JPH2: variants seen among roughly 807,000 people sequenced by gnomAD.
The protein encoded by JPH2 is junctophilin 2, also known as junctophilin-2.
JPH2 carries 38 observed loss-of-function variants against 55.9 expected under a neutral mutation model. That is an observed-to-expected ratio of 0.68 (90% CI 0.52 to 0.89). The LOEUF (loss-of-function observed/expected upper bound fraction) is 0.89, where lower values mean the gene tolerates loss of function less well. Ranked by LOEUF, JPH2 falls within the 40% of genes least tolerant of loss-of-function variation. The pLI is 0.00. For synonymous variants in JPH2, 480 were observed against 472.4 expected, an observed-to-expected ratio of 1.02 and a Z score of -0.21; for missense variants, 964 against 1,037.6, an observed-to-expected ratio of 0.93 and a Z score of 0.97.
chr20:44,164,228 G>A (rs1039795563), intron 1 of JPH2, among the ~76,000 whole-genome samples: 2 of 152,146 alleles, frequency 1.3e-5, no homozygotes, highest in African/African-American at 4.8e-5. Context: ...TTGGATAGAT[G>A]GGAAACCAAC....
At chr20:44,120,580 G>A (rs1349765274) in intron 2 of JPH2, among the ~76,000 whole-genome samples, 1 of 152,078 alleles carries the variant, frequency 6.6e-6, no homozygotes, top group Non-Finnish European at 1.5e-5. Context: ...TTTGCCCAAG[G>A]TCACAGAGTC....
At chr20:44,174,179 G>A (rs1375525215) in intron 1 of JPH2, among the ~76,000 whole-genome samples, 3 of 152,126 alleles carry the variant, frequency 2.0e-5, no homozygotes, top group Non-Finnish European at 2.9e-5. Flanking sequence ...CATTATACGG[G>A]GAAGGAAGCT....
intron 2 of JPH2, among the ~76,000 whole-genome samples, chr20:44,136,816 A>G (rs1311518503): frequency 6.6e-6 from 1 of 152,150 alleles, no homozygotes; most frequent in Non-Finnish European, 1.5e-5. Context: ...TACTAATAGC[A>G]CTTAGCTATA....
rs576199017 is a variant in JPH2, at chr20:44,184,508, C to T, written c.379+1819G>A. Among the ~76,000 whole-genome samples, 6 of 152,312 alleles carry T rather than the reference C, an allele frequency of 3.9e-5. No homozygotes were observed. In the East Asian group the frequency reaches 1.2e-3, roughly 29 times the overall value. Reference sequence around the variant, plus strand: ...TGGGTGGGCCACTGAATTTGCATTTCTAACTGGTGGATCAATGGTGCTGAT... The same window carrying T: ...TGGGTGGGCCACTGAATTTGCATTTTTAACTGGTGGATCAATGGTGCTGAT... On this transcript the variant is annotated intron_variant, in intron 1 of 5. Transcript: ENST00000372980.
chr20:44,135,555 A>G (rs758939039), intron 2 of JPH2, among the ~76,000 whole-genome samples: 1 of 152,118 alleles, frequency 6.6e-6, no homozygotes, highest in African/African-American at 2.4e-5. Flanking sequence ...TTTCGCTTCC[A>G]AGGTCACTTT....
rs189093892 is a variant in JPH2 at position 44,172,348 on chromosome 20, C to G, written c.380-11941G>C. 2.7e-3 allele frequency among the ~76,000 whole-genome samples: 407 copies of G among 152,280 alleles called. 4 individuals carry two copies. The highest frequency in any genetic ancestry group is 5.1e-3 in the Non-Finnish European group (344 of 68,016). Reference sequence around the variant, plus strand: ...AACCAGCTCTTTAGGACAAACCAACCAACCAACCTCAGTTTGTACTATTAG... The same window carrying G: ...AACCAGCTCTTTAGGACAAACCAACGAACCAACCTCAGTTTGTACTATTAG... On this transcript the variant is annotated intron_variant, in intron 1 of 5. Coordinates refer to ENST00000372980, the MANE Select transcript of JPH2 (RefSeq NM_020433.5).
chr20:44,115,116 A>G (rs1367322171), intron 4 of JPH2, among the ~76,000 whole-genome samples: 1 of 152,160 alleles, frequency 6.6e-6, no homozygotes, highest in Non-Finnish European at 1.5e-5. Flanking sequence ...CCCAAGTCAT[A>G]TAGTGTGTGA....
At chr20:44,184,835 G>A (rs911909715) in intron 1 of JPH2, among the ~76,000 whole-genome samples, 4 of 152,196 alleles carry the variant, frequency 2.6e-5, no homozygotes. Flanking sequence ...TCCATTTAAA[G>A]TATTTCCTGA....
rs2072850272 is a variant in JPH2, at chr20:44,186,777, C to A, written c.-72G>T. The A allele has an allele frequency of 6.8e-7, 1 of 1,465,344 alleles. No individual in the cohort carries two copies. The highest frequency in any genetic ancestry group is 9.4e-7 in the Non-Finnish European group (1 of 1,059,832). The allele number at this position is 1,465,344 out of a possible 1,614,324, so 90.8% of individuals were successfully genotyped here. A position where few individuals can be genotyped will look rare whatever the true frequency, so the allele number is the denominator to read the frequency against. ...GAGGGCGTGGGTGATGCCTGCAACA[C>A]TCCTCCAGTGCCCTCGGGGGCAGGC... On this transcript the variant is annotated 5_prime_UTR_variant, in exon 1 of 6. Coordinates refer to ENST00000372980, the MANE Select transcript of JPH2 (RefSeq NM_020433.5).
At chr20:44,129,223 G>T (rs1006773868) in intron 2 of JPH2, among the ~76,000 whole-genome samples, 1 of 152,158 alleles carries the variant, frequency 6.6e-6, no homozygotes. Context: ...GTGGGTGTGT[G>T]AGCTCTCAGC....
In JPH2 at chr20:44,137,848, A is replaced by G. The variant is rs182661654; in HGVS notation, c.1170-19225T>C. Among the ~76,000 whole-genome samples, 7 of 152,208 alleles carry G rather than the reference A, an allele frequency of 4.6e-5. No individual in the cohort carries two copies. The East Asian group carries it at 1.4e-3, about 29-fold the overall frequency. ...AATACTGGCTTTCCTTCTCTCTGAC[A>G]CTGGGAAGAGGGAGAGGAGAAATCT... On this transcript the variant is annotated intron_variant, in intron 2 of 5. Coordinates refer to ENST00000372980, the MANE Select transcript of JPH2 (RefSeq NM_020433.5).
chr20:44,129,990 C>G (rs1301649009), intron 2 of JPH2, among the ~76,000 whole-genome samples: 1 of 152,158 alleles, frequency 6.6e-6, no homozygotes, highest in Non-Finnish European at 1.5e-5. Flanking sequence ...CTTTAGACTT[C>G]CGACCTCCAG....
intron 5 of JPH2, 92 bp from the exon 6 acceptor site, chr20:44,113,595 C>A (rs967489299): frequency 6.6e-6 from 1 of 152,358 alleles, no homozygotes; most frequent in African/African-American, 2.4e-5. Flanking sequence ...TGGGGCTCAT[C>A]TTCTCTGGGG....
rs1292333971 is a variant in JPH2 at position 44,110,425 on chromosome 20, T to G, written c.*3093A>C. Among the ~76,000 whole-genome samples the G allele has an allele frequency of 9.3e-6, 1 of 107,778 alleles. No individual in the cohort carries two copies. The highest frequency in any genetic ancestry group is 8.4e-5 in the Admixed American group (1 of 11,942). 70.7% of individuals were successfully genotyped at this position (107,778 alleles called of 152,430 possible). ...ATCATTCCAGAGTTTTGAAAACTTTTGTGTTTTTTTTTTTTTCCAGATGGA... is the reference window on the plus strand; with the variant it reads ...ATCATTCCAGAGTTTTGAAAACTTTGGTGTTTTTTTTTTTTTCCAGATGGA... On this transcript the variant is annotated 3_prime_UTR_variant, in exon 6 of 6. Transcript: ENST00000372980.
chr20:44,172,437 T>C (rs972402378), intron 1 of JPH2, among the ~76,000 whole-genome samples: 6 of 152,198 alleles, frequency 3.9e-5, no homozygotes, highest in Non-Finnish European at 7.3e-5. Flanking sequence ...CATGAGCCAG[T>C]AGGAGCTGGC....
At chr20:44,137,213 G>T (rs927861347) in intron 2 of JPH2, among the ~76,000 whole-genome samples, 1 of 152,112 alleles carries the variant, frequency 6.6e-6, no homozygotes, top group Admixed American at 6.6e-5. Flanking sequence ...GGAGCCTGCT[G>T]ACTTAGCTCT....
chr20:44,142,383 C>A (rs115270942), intron 2 of JPH2, among the ~76,000 whole-genome samples: 3 of 152,154 alleles, frequency 2.0e-5, no homozygotes, highest in Admixed American at 2.0e-4. Context: ...CATCCATCCC[C>A]GCCGCCTCCC....
At chr20:44,181,235 C>T (rs1450919290) in intron 1 of JPH2, among the ~76,000 whole-genome samples, 5 of 152,082 alleles carry the variant, frequency 3.3e-5, no homozygotes, top group African/African-American at 1.2e-4. Flanking sequence ...AGTCAAGTCA[C>T]CTTAGAACAA....
At chr20:44,162,797 C>T (rs1382452514) in intron 1 of JPH2, among the ~76,000 whole-genome samples, 28 of 129,792 alleles carry the variant, frequency 2.2e-4, no homozygotes, top group African/African-American at 8.6e-4. Flanking sequence ...TACACACACA[C>T]ACACACACAC....
Sources: allele counts gnomAD v4.1 joint callset (sites outside exome capture counted in the v4.1 genomes callset), GRCh38; gene constraint gnomAD v4.1.1; transcripts MANE v1.5; gene names NCBI Gene and HGNC (gene_info 2026-07-23, HGNC 2026-07-21).